The following PCLO variants were observed in gnomAD, a reference collection of about 807,000 sequenced individuals.
PCLO encodes piccolo presynaptic cytomatrix protein, also known as protein piccolo.
Under a neutral mutation model 427.5 loss-of-function variants are expected in PCLO, and 82 were observed. The observed-to-expected ratio is 0.19, with a 90% CI of 0.16 to 0.23. The LOEUF (loss-of-function observed/expected upper bound fraction) is 0.23. Ranked by LOEUF, PCLO falls within the 10% of genes least tolerant of loss-of-function variation. PCLO has a pLI of 1.00. For missense variants in PCLO, 6,239 were observed against 6,115.9 expected, an observed-to-expected ratio of 1.02 and a Z score of -0.67; for synonymous variants, 2,357 against 2,155.4, an observed-to-expected ratio of 1.09 and a Z score of -2.59.
At chr7:82,971,213 A>G (rs935117113) in intron 3 of PCLO, among the ~76,000 whole-genome samples, 3 of 151,882 alleles carry the variant, frequency 2.0e-5, no homozygotes, top group Admixed American at 6.6e-5. Flanking sequence ...AACTCAATGT[A>G]TCAATGCCAT....
intron 3 of PCLO, among the ~76,000 whole-genome samples, chr7:83,071,521 C>T (rs1238411819): frequency 2.0e-5 from 3 of 152,254 alleles, no homozygotes; most frequent in Non-Finnish European, 4.4e-5. Flanking sequence ...CATTTCACAA[C>T]ACCTATTCAT....
chr7:82,935,503 G>A lies in PCLO; in HGVS notation c.11112+13973C>T, dbSNP rs561153388. Among the ~76,000 whole-genome samples the A allele has an allele frequency of 2.2e-4, 33 of 150,738 alleles. No homozygotes were observed. The South Asian group carries it at 5.6e-3, about 26-fold the overall frequency. ...CAATTATGTATGTTGCTTTTCACTC[G>A]GCAAAAAAGCAACAAAAAACCTCTA... On this transcript the variant is annotated intron_variant, in intron 6 of 24. Coordinates refer to ENST00000333891, the MANE Select transcript of PCLO (RefSeq NM_033026.6).
At chr7:83,162,119 G>A (rs1387677403) in intron 1 of PCLO, among the ~76,000 whole-genome samples, 1 of 152,174 alleles carries the variant, frequency 6.6e-6, no homozygotes, top group Non-Finnish European at 1.5e-5. Context: ...TAAAATCACA[G>A]TTCCAAGAAT....
intron 9 of PCLO, among the ~76,000 whole-genome samples, chr7:82,890,665 C>A (rs1489277848): frequency 6.6e-6 from 1 of 151,776 alleles, no homozygotes. Flanking sequence ...TAAAACTAAT[C>A]CGCTAATCAC....
At chr7:82,783,192 C>T (rs369131049) in intron 22 of PCLO, among the ~76,000 whole-genome samples, 7 of 152,182 alleles carry the variant, frequency 4.6e-5, no homozygotes, top group East Asian at 3.8e-4. Context: ...ATGATATCTA[C>T]ATGTGAATTT....
chr7:82,947,701 A>C (rs1007124598), intron 6 of PCLO, among the ~76,000 whole-genome samples: 3 of 152,170 alleles, frequency 2.0e-5, no homozygotes, highest in Admixed American at 6.5e-5. Context: ...TTTGAGGCTC[A>C]AAACACCTAG....
chr7:83,008,127 G>A (rs931537732), intron 3 of PCLO, among the ~76,000 whole-genome samples: 9 of 151,714 alleles, frequency 5.9e-5, no homozygotes, highest in South Asian at 2.1e-4. Flanking sequence ...TAAGAAATAT[G>A]TAAAACACAT....
intron 2 of PCLO, among the ~76,000 whole-genome samples, chr7:83,152,320 AT>A (rs1302163094): frequency 1.3e-5 from 2 of 152,264 alleles, no homozygotes; most frequent in East Asian, 3.9e-4. Flanking sequence ...TGCAACTTGT[AT>A]TTCTCCTATT....
chr7:82,923,272 T>C (rs1446925624), intron 6 of PCLO, among the ~76,000 whole-genome samples: 1 of 151,860 alleles, frequency 6.6e-6, no homozygotes, highest in African/African-American at 2.4e-5. Flanking sequence ...TTTTGAAAAA[T>C]ATGAAGGATA....
At chr7:82,984,869 T>C (rs1437093026) in intron 3 of PCLO, among the ~76,000 whole-genome samples, 1 of 151,998 alleles carries the variant, frequency 6.6e-6, no homozygotes, top group Non-Finnish European at 1.5e-5. Flanking sequence ...GATTATATTT[T>C]GATTTGAAAA....
chr7:82,905,115 A>C (rs1405938469), intron 8 of PCLO, among the ~76,000 whole-genome samples: 1 of 152,034 alleles, frequency 6.6e-6, no homozygotes, highest in African/African-American at 2.4e-5. Flanking sequence ...GGCAGAACTG[A>C]TGTCAAGTGG....
chr7:82,951,206 T>C lies in PCLO; in HGVS notation c.9382A>G (p.Thr3128Ala). 1 of 1,613,604 alleles carries C rather than the reference T, an allele frequency of 6.2e-7. No homozygotes were observed. The highest frequency in any genetic ancestry group is 8.5e-7 in the Non-Finnish European group (1 of 1,179,748). The change falls in exon 6 of 25, where the codon ACT becomes GCT. Residue 3128 changes from threonine (T) to alanine (A), a missense_variant. Thr to Ala is a moderately conservative substitution (Grantham distance 58). Coordinates refer to ENST00000333891, the MANE Select transcript of PCLO (RefSeq NM_033026.6). ...LSGIHTADAVTSLPAMHHSQP... is the reference protein window; with the variant it reads ...LSGIHTADAVASLPAMHHSQP... ...CTATGGTGCATGGCAGGTAATGAAG[T>C]CACTGCATCAGCCGTATGAATACCA...
rs1435502972 is a variant in PCLO, at chr7:83,156,044, C to A, written c.597G>T (p.Glu199Asp). The stretch of plus-strand genomic sequence containing the variant: ...TTATGATTCCTTCAGGTTTTCCTTG[C>A]TCCTTCTGAACCACTTTTTGTTTCT... ...TTKKQKVVQK[E>D]QGKPEGIIKP... The change falls in exon 2 of 25, where the codon GAG becomes GAT. Residue 199 changes from glutamate (E) to aspartate (D), a missense_variant. This residue lies in a region of PCLO where 4,677 missense variants were observed against 4,468.4 expected (regional missense o/e 1.05). Transcript: ENST00000333891. The A allele has an allele frequency of 1.2e-6, 2 of 1,613,518 alleles. No individual in the cohort carries two copies. The highest frequency in any genetic ancestry group is 8.5e-7 in the Non-Finnish European group (1 of 1,179,812).
At chr7:82,762,963 T>G in intron 22 of PCLO, among the ~76,000 whole-genome samples, 1 of 151,972 alleles carries the variant, frequency 6.6e-6, no homozygotes, top group East Asian at 1.9e-4. Context: ...CTTTTAGAGA[T>G]AGGGTCTCAC....
At chr7:83,154,078 G>T (rs1360655998) in intron 2 of PCLO, among the ~76,000 whole-genome samples, 1 of 152,116 alleles carries the variant, frequency 6.6e-6, no homozygotes, top group East Asian at 1.9e-4. Context: ...AATTTGATGA[G>T]TCAGAAAGTA....
intron 22 of PCLO, among the ~76,000 whole-genome samples, chr7:82,783,093 G>T (rs1583969458): frequency 6.6e-6 from 1 of 152,174 alleles, no homozygotes; most frequent in Non-Finnish European, 1.5e-5. Flanking sequence ...TTGCCTTATA[G>T]AACAACCTGA....
chr7:82,847,862 C>A (rs1347961072), intron 10 of PCLO, among the ~76,000 whole-genome samples: 1 of 152,094 alleles, frequency 6.6e-6, no homozygotes, highest in African/African-American at 2.4e-5. Context: ...TAGTACAAGG[C>A]CCTGTGCTCA....
intron 4 of PCLO, among the ~76,000 whole-genome samples, chr7:82,960,469 T>G (rs2115613684): frequency 6.6e-6 from 1 of 152,304 alleles, no homozygotes; most frequent in East Asian, 1.9e-4. Context: ...GAAATGAAAG[T>G]ACCTGCTAAA....
chr7:82,837,103 C>T lies in PCLO; in HGVS notation c.14222+1115G>A, dbSNP rs193249211. Among the ~76,000 whole-genome samples the T allele has an allele frequency of 1.8e-3, 277 of 151,914 alleles. 1 individual carries two copies. The highest frequency in any genetic ancestry group is 6.2e-3 in the African/African-American group (259 of 41,462). The stretch of plus-strand genomic sequence containing the variant: ...TGAAAAATTTAAAATTATGCTTATA[C>T]GAGGTATTAAGGCTATTTTTAAATG... On this transcript the variant is annotated intron_variant, in intron 15 of 24. Coordinates refer to ENST00000333891, the MANE Select transcript of PCLO (RefSeq NM_033026.6).
Sources: allele counts gnomAD v4.1 joint callset (sites outside exome capture counted in the v4.1 genomes callset), GRCh38; gene constraint gnomAD v4.1.1; regional missense constraint gnomAD v4.1.1; transcripts MANE v1.5; gene names NCBI Gene and HGNC (gene_info 2026-07-23, HGNC 2026-07-21).